The following FAF1 variants were observed in gnomAD, a reference collection of about 807,000 sequenced individuals.
FAF1 encodes FAS-associated factor 1.
A neutral mutation model predicts 92.5 loss-of-function variants in FAF1; 25 were observed. That is an observed-to-expected ratio of 0.27 (90% CI 0.20 to 0.38). The LOEUF is 0.38. FAF1 is among the 10% of genes least tolerant of loss of function. The pLI, the probability that FAF1 is intolerant of heterozygous loss-of-function variation, is 1.00. For missense variants in FAF1, 636 were observed against 793.3 expected (o/e 0.80, Z 2.38); for synonymous variants, 234 against 273.2 (o/e 0.86, Z 1.42).
intron 6 of FAF1, among the ~76,000 whole-genome samples, chr1:50,717,987 C>CTTTATTTATTTA (rs67168626): frequency 5.0e-4 from 70 of 138,988 alleles, no homozygotes; most frequent in South Asian, 7.2e-4. Flanking sequence ...AAATACAATC[C>CTTTATTTATTTA]TTTATTTATT....
intron 2 of FAF1, among the ~76,000 whole-genome samples, chr1:50,825,635 A>C (rs1272381603): frequency 1.3e-5 from 2 of 152,152 alleles, no homozygotes; most frequent in Non-Finnish European, 2.9e-5. Context: ...CAAAATTCTT[A>C]CTAAAGAATA....
At chr1:50,920,538 A>G (rs1260694123) in intron 1 of FAF1, among the ~76,000 whole-genome samples, 1 of 152,194 alleles carries the variant, frequency 6.6e-6, no homozygotes, top group African/African-American at 2.4e-5. Context: ...ACAAAATATT[A>G]GCAAATCAAA....
At chr1:50,887,847 T>TCTTG (rs1644681945) in intron 1 of FAF1, among the ~76,000 whole-genome samples, 1 of 152,200 alleles carries the variant, frequency 6.6e-6, no homozygotes, top group South Asian at 2.1e-4. Context: ...CTTAGGATTG[T>TCTTG]CTTGGCAAGG....
At chr1:50,914,595 G>T (rs1644907427) in intron 1 of FAF1, among the ~76,000 whole-genome samples, 1 of 152,166 alleles carries the variant, frequency 6.6e-6, no homozygotes, top group Non-Finnish European at 1.5e-5. Flanking sequence ...TGCCTATTCT[G>T]TTATCTTCTG....
rs1340010672 is a variant in FAF1, at chr1:50,655,387, G to A, written c.744+55C>T. ...GCTTATTATCAAAGCCAATTAGACT[G>A]AAAGTGGCAAAAGAGAAAGGAGGAT... is the stretch of plus-strand genomic sequence containing the variant. On this transcript the variant is annotated intron_variant, in intron 8 of 18. Transcript: ENST00000396153. 3 of 1,142,942 alleles carry A rather than the reference G, an allele frequency of 2.6e-6. No individual in the cohort carries two copies. The East Asian group carries it at 7.0e-5, about 27-fold the overall frequency. The allele number at this position is 1,142,942 out of a possible 1,614,324, so 70.8% of individuals were successfully genotyped here.
chr1:50,856,894 C>T (rs573821425), intron 2 of FAF1, among the ~76,000 whole-genome samples: 5 of 151,658 alleles, frequency 3.3e-5, no homozygotes, highest in African/African-American at 1.2e-4. Context: ...TGAACAGCCA[C>T]AATTAAGTGA....
At chr1:50,750,622 CTTT>C (rs200229291) in intron 4 of FAF1, among the ~76,000 whole-genome samples, 1 of 133,744 alleles carries the variant, frequency 7.5e-6, no homozygotes, top group Non-Finnish European at 1.6e-5. Context: ...TTTTTCTTTT[CTTT>C]TTTTTTTTTT....
chr1:50,874,684 C>CT (rs1410754786), intron 1 of FAF1, among the ~76,000 whole-genome samples: 2 of 151,484 alleles, frequency 1.3e-5, no homozygotes, highest in African/African-American at 4.8e-5. Context: ...TTCAAACCCA[C>CT]TTTCTAAAAA....
rs369076651 is a variant in FAF1, at chr1:50,921,237, C to A, written c.45+38530G>T. 3.4e-3 allele frequency among the ~76,000 whole-genome samples: 518 copies of A among 152,308 alleles called. 2 individuals carry two copies. The highest frequency in any genetic ancestry group is 0.012 in the African/African-American group (495 of 41,570). On this transcript the variant is annotated intron_variant, in intron 1 of 18. Coordinates refer to ENST00000396153, the MANE Select transcript of FAF1 (RefSeq NM_007051.3). ...AGGGCCTAGGGACCGACCTGCCCCA[C>A]CTGCAGTAGCCAACACCCCCAGATG...
intron 18 of FAF1, among the ~76,000 whole-genome samples, chr1:50,442,313 C>T (rs983530154): frequency 4.6e-5 from 7 of 152,094 alleles, no homozygotes; most frequent in African/African-American, 1.2e-4. Context: ...TTGAGTAATA[C>T]TGGTTTAGTG....
At chr1:50,619,589 C>G (rs1446474918) in intron 8 of FAF1, among the ~76,000 whole-genome samples, 2 of 152,172 alleles carry the variant, frequency 1.3e-5, no homozygotes, top group African/African-American at 4.8e-5. Context: ...GGTTTGTGCT[C>G]ACAGGCCTGC....
intron 6 of FAF1, among the ~76,000 whole-genome samples, chr1:50,707,652 C>T (rs1657739847): frequency 1.3e-5 from 2 of 151,388 alleles, no homozygotes; most frequent in South Asian, 2.1e-4. Context: ...TGAGATGGCA[C>T]CACTGCACTC....
chr1:50,593,576 T>C (rs1359477429), intron 9 of FAF1, among the ~76,000 whole-genome samples: 2 of 152,348 alleles, frequency 1.3e-5, no homozygotes, highest in African/African-American at 4.8e-5. Context: ...ATTATCTTTC[T>C]TTCACAAGGG....
chr1:50,773,802 G>A (rs1191449181), intron 4 of FAF1, among the ~76,000 whole-genome samples: 1 of 152,118 alleles, frequency 6.6e-6, no homozygotes, highest in Non-Finnish European at 1.5e-5. Flanking sequence ...AAGAAATAAT[G>A]TATCACTCAA....
chr1:50,681,712 T>G (rs974518884), intron 7 of FAF1, among the ~76,000 whole-genome samples: 1 of 148,394 alleles, frequency 6.7e-6, no homozygotes, highest in African/African-American at 2.5e-5. Flanking sequence ...GAGACAGGGG[T>G]TTCACCATGT....
chr1:50,943,553 T>C (rs1298154164), intron 1 of FAF1, among the ~76,000 whole-genome samples: 2 of 152,198 alleles, frequency 1.3e-5, no homozygotes, highest in East Asian at 1.9e-4. Context: ...GGCCAAGGTG[T>C]TGTCATTGGT....
At chr1:50,912,811 G>A (rs961745839) in intron 1 of FAF1, among the ~76,000 whole-genome samples, 2 of 152,060 alleles carry the variant, frequency 1.3e-5, no homozygotes, top group African/African-American at 2.4e-5. Flanking sequence ...CCCATTCTCA[G>A]TTTCTTAAAT....
At chr1:50,743,109 C>T (rs994662458) in intron 5 of FAF1, among the ~76,000 whole-genome samples, 7 of 152,152 alleles carry the variant, frequency 4.6e-5, no homozygotes, top group African/African-American at 1.7e-4. Flanking sequence ...AAAATATTTA[C>T]TATCTGACTC....
intron 13 of FAF1, among the ~76,000 whole-genome samples, chr1:50,565,381 A>C (rs955365479): frequency 6.6e-6 from 1 of 152,064 alleles, no homozygotes; most frequent in Admixed American, 6.6e-5. Flanking sequence ...ATCCTATCAT[A>C]CTTAATAGTC....
Sources: allele counts gnomAD v4.1 joint callset (sites outside exome capture counted in the v4.1 genomes callset), GRCh38; gene constraint gnomAD v4.1.1; transcripts MANE v1.5; gene names NCBI Gene and HGNC (gene_info 2026-07-23, HGNC 2026-07-21).